UVRAG: variants seen among roughly 807,000 people sequenced by gnomAD.
The protein encoded by UVRAG is UV radiation resistance-associated gene protein.
A neutral mutation model predicts 78.0 loss-of-function variants in UVRAG; 19 were observed. The observed-to-expected ratio is 0.24, with a 90% CI of 0.17 to 0.36. The LOEUF (loss-of-function observed/expected upper bound fraction) is 0.36. Ranked by LOEUF, UVRAG falls within the 10% of genes least tolerant of loss-of-function variation. The pLI is 1.00. For missense variants in UVRAG, 740 were observed against 853.8 expected (o/e 0.87, Z 1.66); for synonymous variants, 323 against 324.6 (o/e 1.00, Z 0.05).
chr11:75,888,449 T>G (rs1947142160), intron 4 of UVRAG, among the ~76,000 whole-genome samples: 1 of 152,176 alleles, frequency 6.6e-6, no homozygotes, highest in South Asian at 2.1e-4. Context: ...AGGCCTAGGC[T>G]TCATGTTAAA....
At chr11:76,049,101 CACTA>C (rs1365335765) in intron 12 of UVRAG, among the ~76,000 whole-genome samples, 1 of 152,222 alleles carries the variant, frequency 6.6e-6, no homozygotes, top group African/African-American at 2.4e-5. Context: ...ATAAATGTAA[CACTA>C]ACCCTGTGAA....
At chr11:75,971,456 C>T (rs992824571) in intron 7 of UVRAG, among the ~76,000 whole-genome samples, 5 of 152,202 alleles carry the variant, frequency 3.3e-5, no homozygotes, top group African/African-American at 1.2e-4. Flanking sequence ...TGCATCCCCA[C>T]CTTCAATGAA....
chr11:75,912,017 T>C lies in UVRAG; in HGVS notation c.571T>C (p.Tyr191His). The C allele has an allele frequency of 6.2e-7, 1 of 1,612,814 alleles. No individual in the cohort carries two copies. Among genetic ancestry groups the C allele is most frequent in the South Asian group, 1.1e-5 (1 of 91,026 alleles). Reference protein sequence around the residue: ...QVDQNCVRNSYDVFSLLRLHR... With the variant: ...QVDQNCVRNSHDVFSLLRLHR... ...GGATCAGAACTGTGTTCGCAATTCT[T>C]ACGATGTCTTCTCTTTGCTACGGTA... is the stretch of plus-strand genomic sequence containing the variant. The change falls in exon 6 of 15, where the codon TAC becomes CAC. Residue 191 changes from tyrosine (Y) to histidine (H), a missense_variant. Transcript: ENST00000356136.
At position 75,851,980 on chromosome 11, in the gene UVRAG, G is replaced by C; in HGVS notation, c.215G>C (p.Ser72Thr). The change falls in exon 2 of 15, where the codon AGT (serine) becomes ACT (threonine). Residue 72 changes from serine to threonine, a missense_variant. By Grantham distance (58) the Ser-to-Thr change is moderately conservative. Transcript: ENST00000356136. ...ACCTACTTTACACTTCACTTGTGTA[G>C]TACTGAAAAGATATATAAAGGTAAG... ...LDTYFTLHLC[S>T]TEKIYKEFYR... 1 of 1,605,992 alleles carries C rather than the reference G, an allele frequency of 6.2e-7. No homozygotes were observed.
chr11:75,918,364 C>T (rs1240721596), intron 6 of UVRAG, among the ~76,000 whole-genome samples: 4 of 147,026 alleles, frequency 2.7e-5, no homozygotes, highest in African/African-American at 7.6e-5. Context: ...AGCAACAGAG[C>T]GAGACTCCGT....
At chr11:75,969,076 A>G (rs1473849296) in intron 7 of UVRAG, among the ~76,000 whole-genome samples, 1 of 152,188 alleles carries the variant, frequency 6.6e-6, no homozygotes, top group Admixed American at 6.5e-5. Flanking sequence ...TCATGCAACC[A>G]TTATCACCAT....
chr11:75,835,961 C>T (rs1460304242), intron 1 of UVRAG, among the ~76,000 whole-genome samples: 7 of 152,020 alleles, frequency 4.6e-5, no homozygotes, highest in African/African-American at 9.6e-5. Flanking sequence ...ATTAACTGGG[C>T]GTGGTGGTGT....
intron 12 of UVRAG, among the ~76,000 whole-genome samples, chr11:76,033,564 C>T (rs1034363085): frequency 6.6e-6 from 1 of 151,734 alleles, no homozygotes; most frequent in African/African-American, 2.4e-5. Flanking sequence ...AAAAAAAAAC[C>T]TTGTCTATAA....
intron 6 of UVRAG, among the ~76,000 whole-genome samples, chr11:75,945,234 A>T (rs540287224): frequency 6.6e-6 from 1 of 152,182 alleles, no homozygotes; most frequent in South Asian, 2.1e-4. Context: ...GAAGGGTGAG[A>T]TGTGCCCCTC....
intron 6 of UVRAG, among the ~76,000 whole-genome samples, chr11:75,944,128 A>G (rs142357569): frequency 2.6e-5 from 4 of 152,240 alleles, no homozygotes; most frequent in Non-Finnish European, 5.9e-5. Context: ...CTGAACGTGT[A>G]ATGCACTCTG....
chr11:76,043,919 G>A (rs1041760986), intron 12 of UVRAG, among the ~76,000 whole-genome samples: 1 of 152,222 alleles, frequency 6.6e-6, no homozygotes, highest in African/African-American at 2.4e-5. Flanking sequence ...ATGGGGAATA[G>A]TGTCATTGTG....
chr11:76,092,984 C>A (rs1333101575), intron 13 of UVRAG, among the ~76,000 whole-genome samples: 9 of 152,152 alleles, frequency 5.9e-5, no homozygotes, highest in African/African-American at 2.2e-4. Flanking sequence ...ACATTTAAGT[C>A]TTTAATCCAT....
chr11:76,016,789 C>CT lies in UVRAG; in HGVS notation c.1061-22dup. On this transcript the variant is annotated intron_variant, in intron 11 of 14. Transcript: ENST00000356136. ...TATTTATAAGGTAAATAGTTATTTT[C>CT]TTTTCCTCTGCTTTTGAATTTACAG... 1.9e-6 allele frequency: 3 copies of CT among 1,563,150 alleles called. No individual in the cohort carries two copies. In the East Asian group the frequency reaches 6.8e-5, roughly 36 times the overall value.
intron 6 of UVRAG, chr11:75,930,806 C>T (rs1351344312): frequency 6.6e-6 from 1 of 152,206 alleles, no homozygotes; most frequent in Non-Finnish European, 1.5e-5. Context: ...GAAAAGTATT[C>T]TGACAAGGCA....
At chr11:76,094,789 C>G (rs552847013) in intron 13 of UVRAG, among the ~76,000 whole-genome samples, 22 of 152,116 alleles carry the variant, frequency 1.4e-4, no homozygotes, top group African/African-American at 5.3e-4. Flanking sequence ...GAGGAAAGAA[C>G]TAGAAAATTA....
At chr11:75,897,028 G>A (rs1351906577) in intron 5 of UVRAG, among the ~76,000 whole-genome samples, 4 of 152,154 alleles carry the variant, frequency 2.6e-5, no homozygotes, top group African/African-American at 9.7e-5. Flanking sequence ...CCAGTAGATG[G>A]CAATACTTTC....
chr11:75,983,498 G>A lies in UVRAG; in HGVS notation c.811G>A (p.Ala271Thr). The A allele has an allele frequency of 6.2e-7, 1 of 1,606,618 alleles. No homozygotes were observed. The highest frequency in any genetic ancestry group is 8.5e-7 in the Non-Finnish European group (1 of 1,175,264). The change falls in exon 8 of 15, where the codon GCA (alanine) becomes ACA (threonine). Residue 271 changes from alanine (A) to threonine (T), a missense_variant. Transcript: ENST00000356136. ...EVALLHKQQI[A>T]LQDKGSAFSA... ...GGCATTACTGCATAAGCAACAAATTGCATTACAAGACAAAGGTGAGTGGAA... is the reference window on the plus strand; with the variant it reads ...GGCATTACTGCATAAGCAACAAATTACATTACAAGACAAAGGTGAGTGGAA...
chr11:76,055,508 C>G (rs895142419), intron 12 of UVRAG, among the ~76,000 whole-genome samples: 1 of 152,154 alleles, frequency 6.6e-6, no homozygotes, highest in Non-Finnish European at 1.5e-5. Flanking sequence ...GTTACATTTG[C>G]TGTACCTGTG....
Position 75,976,560 on chromosome 11 carries a change from A to G in UVRAG, c.700-6827A>G, listed in dbSNP as rs151007625. Among the ~76,000 whole-genome samples the G allele has an allele frequency of 2.2e-3, 328 of 152,240 alleles. 11 individuals carry two copies. The East Asian group carries it at 0.054, about 25-fold the overall frequency. Reference sequence around the variant, plus strand: ...CAATTTCAGAGCCTGTTATTGCTCTATTCAGCGATTCAGCTTCTTCCTGGT... The same window carrying G: ...CAATTTCAGAGCCTGTTATTGCTCTGTTCAGCGATTCAGCTTCTTCCTGGT... On this transcript the variant is annotated intron_variant, in intron 7 of 14. Coordinates refer to ENST00000356136, the MANE Select transcript of UVRAG (RefSeq NM_003369.4).
Sources: gnomAD v4.1 joint callset for allele counts (sites outside exome capture counted in the v4.1 genomes callset) on GRCh38, gnomAD v4.1.1 for gene constraint, MANE v1.5 for transcripts, NCBI Gene and HGNC (gene_info 2026-07-23, HGNC 2026-07-21) for gene names.